Variants in GRIK2 observed in about 807,000 individuals in gnomAD.
GRIK2 encodes glutamate receptor ionotropic, kainate 2.
Under a neutral mutation model 100.3 loss-of-function variants are expected in GRIK2, and 32 were observed. The observed-to-expected ratio is 0.32, with a 90% confidence interval of 0.24 to 0.43. The LOEUF (loss-of-function observed/expected upper bound fraction) is 0.43, where lower values mean the gene tolerates loss of function less well. GRIK2 is among the 20% of genes least tolerant of loss of function. The pLI is 1.00. For synonymous variants in GRIK2, 417 were observed against 389.4 expected (o/e 1.07, Z -0.83); for missense variants, 843 against 1,114.9 (o/e 0.76, Z 3.47).
At position 101,831,455 on chromosome 6, in the gene GRIK2, G is replaced by A. The variant is rs559483987; in HGVS notation, c.1317+12972G>A. Among the ~76,000 whole-genome samples, 192 of 152,164 alleles carry A rather than the reference G, an allele frequency of 1.3e-3. 1 individual carries two copies. The highest frequency in any genetic ancestry group is 3.6e-3 in the African/African-American group (149 of 41,524). On this transcript the variant is annotated intron_variant, in intron 10 of 16. Coordinates refer to ENST00000369134, the MANE Select transcript of GRIK2 (RefSeq NM_021956.5). The stretch of plus-strand genomic sequence containing the variant: ...TGGCTTCTGACATGAACACTAATTA[G>A]GGATGGCAGAATTCAGGCTTGAAGA...
rs113279802 is a variant in GRIK2, at chr6:101,875,340, C to A, written c.1525-14300C>A. On this transcript the variant is annotated intron_variant, in intron 11 of 16. Transcript: ENST00000369134. ...CTTGTCCTTTATCTTGGGGGTATTT[C>A]TTTTTAAGTACTATCGCTAGTCATT... Among the ~76,000 whole-genome samples, 14 of 151,912 alleles carry A rather than the reference C, an allele frequency of 9.2e-5. 1 individual carries two copies. Among genetic ancestry groups the A allele is most frequent in the African/African-American group, 3.4e-4 (14 of 41,520 alleles).
chr6:101,727,256 T>G (rs2128368829), intron 7 of GRIK2, among the ~76,000 whole-genome samples: 1 of 152,172 alleles, frequency 6.6e-6, no homozygotes, highest in Middle Eastern at 3.4e-3. Context: ...CTCCTTATGT[T>G]TGATACACAG....
chr6:101,714,969 G>A (rs532730648), intron 7 of GRIK2, among the ~76,000 whole-genome samples: 23 of 151,554 alleles, frequency 1.5e-4, no homozygotes, highest in Admixed American at 7.2e-4. Context: ...AATATTAAGA[G>A]AGAATTTGAA....
At chr6:101,760,747 T>TATATTTA (rs1777596336) in intron 7 of GRIK2, among the ~76,000 whole-genome samples, 2 of 132,742 alleles carry the variant, frequency 1.5e-5, no homozygotes, top group African/African-American at 5.6e-5. Context: ...TATATTTAAT[T>TATATTTA]ATATATAATT....
chr6:101,492,535 A>G (rs1032300680), intron 2 of GRIK2, among the ~76,000 whole-genome samples: 2 of 151,832 alleles, frequency 1.3e-5, no homozygotes, highest in African/African-American at 2.4e-5. Context: ...TGAAGGCCAC[A>G]TTGTCCTAAG....
intron 7 of GRIK2, among the ~76,000 whole-genome samples, chr6:101,723,873 A>G (rs999662421): frequency 6.6e-6 from 1 of 151,990 alleles, no homozygotes; most frequent in Non-Finnish European, 1.5e-5. Flanking sequence ...TAATGTTAAC[A>G]TATGTTGGGA....
intron 2 of GRIK2, among the ~76,000 whole-genome samples, chr6:101,414,231 A>G (rs1426357060): frequency 6.6e-6 from 1 of 152,152 alleles, no homozygotes; most frequent in Non-Finnish European, 1.5e-5. Flanking sequence ...TCCACTGAGG[A>G]CCTCATTCAG....
At chr6:101,533,286 C>G (rs1775531044) in intron 2 of GRIK2, among the ~76,000 whole-genome samples, 1 of 151,710 alleles carries the variant, frequency 6.6e-6, no homozygotes, top group Admixed American at 6.6e-5. Flanking sequence ...GTTTACCTGA[C>G]TACAAGAAGT....
At chr6:101,572,605 G>A (rs1220833436) in intron 2 of GRIK2, among the ~76,000 whole-genome samples, 2 of 151,876 alleles carry the variant, frequency 1.3e-5, no homozygotes, top group Non-Finnish European at 2.9e-5. Flanking sequence ...TTGTAGATGT[G>A]TGTTCCTTTT....
intron 2 of GRIK2, among the ~76,000 whole-genome samples, chr6:101,437,755 G>A (rs968504920): frequency 1.1e-4 from 16 of 151,920 alleles, no homozygotes; most frequent in South Asian, 4.1e-4. Context: ...TCAGATCCTC[G>A]CCCGTAAAAT....
intron 11 of GRIK2, among the ~76,000 whole-genome samples, chr6:101,878,070 G>GTATATTATATTATATTATATTATAT (rs67537651): frequency 1.5e-5 from 2 of 135,574 alleles, no homozygotes; most frequent in African/African-American, 2.7e-5. Context: ...ATCGTGCCAG[G>GTATATTATATTATATTATATTATAT]TATATTATAT....
intron 10 of GRIK2, among the ~76,000 whole-genome samples, chr6:101,841,663 C>T (rs1783512831): frequency 6.6e-6 from 1 of 152,122 alleles, no homozygotes; most frequent in Admixed American, 6.5e-5. Flanking sequence ...CCCGCCCAGC[C>T]TGCAGAAAGA....
intron 11 of GRIK2, among the ~76,000 whole-genome samples, chr6:101,862,173 G>A (rs893780281): frequency 6.6e-6 from 1 of 152,054 alleles, no homozygotes; most frequent in Non-Finnish European, 1.5e-5. Context: ...TGAGATTACA[G>A]GGAGGGAAAC....
intron 10 of GRIK2, among the ~76,000 whole-genome samples, chr6:101,856,447 G>C (rs1409399957): frequency 6.6e-6 from 1 of 152,166 alleles, no homozygotes; most frequent in Non-Finnish European, 1.5e-5. Context: ...CTTGCAAGAA[G>C]TGTGGGCCTA....
chr6:101,745,606 A>G (rs912218723), intron 7 of GRIK2, among the ~76,000 whole-genome samples: 1 of 152,196 alleles, frequency 6.6e-6, no homozygotes, highest in African/African-American at 2.4e-5. Context: ...TTTTCTTTCA[A>G]CTAGTCTCAA....
At chr6:101,667,160 T>C (rs1005766104) in intron 4 of GRIK2, among the ~76,000 whole-genome samples, 6 of 152,098 alleles carry the variant, frequency 3.9e-5, no homozygotes, top group African/African-American at 1.4e-4. Flanking sequence ...TATAAGATCA[T>C]CCTGTGGGTT....
intron 2 of GRIK2, among the ~76,000 whole-genome samples, chr6:101,462,566 A>C (rs1229625960): frequency 2.0e-5 from 3 of 152,188 alleles, no homozygotes; most frequent in Non-Finnish European, 4.4e-5. Context: ...GTACAAGGAC[A>C]TCTTAAAAAT....
intron 2 of GRIK2, among the ~76,000 whole-genome samples, chr6:101,614,492 C>T (rs1300390131): frequency 6.6e-6 from 1 of 151,174 alleles, no homozygotes; most frequent in Non-Finnish European, 1.5e-5. Context: ...ATTATTTTGC[C>T]TAAGGAGAAA....
At chr6:102,051,109 C>T (rs1020210862) in intron 15 of GRIK2, among the ~76,000 whole-genome samples, 4 of 152,238 alleles carry the variant, frequency 2.6e-5, no homozygotes, top group Non-Finnish European at 5.9e-5. Context: ...CCCATCCATA[C>T]GCTGTCATTG....
Sources: gnomAD v4.1 joint callset for allele counts (sites outside exome capture counted in the v4.1 genomes callset) on GRCh38, gnomAD v4.1.1 for gene constraint, MANE v1.5 for transcripts, NCBI Gene and HGNC (gene_info 2026-07-23, HGNC 2026-07-21) for gene names.